Variants in PPFIA2 observed in about 807,000 individuals in gnomAD.
PPFIA2 encodes liprin-alpha-2.
Under a neutral mutation model 175.5 loss-of-function variants are expected in PPFIA2, and 46 were observed. The observed-to-expected ratio is 0.26, with a 90% CI of 0.21 to 0.34. PPFIA2 has a LOEUF of 0.34. Among genes scored for constraint, PPFIA2 ranks in the 10% least tolerant of loss-of-function variants. The probability of loss-of-function intolerance (pLI) is 1.00; values close to 1 mark genes in which losing one functional copy is unlikely to be tolerated. For synonymous variants in PPFIA2, 568 were observed against 511.4 expected (o/e 1.11, Z -1.49); for missense variants, 1,179 against 1,506.1 (o/e 0.78, Z 3.60).
At chr12:81,271,347 T>C (rs1043961250) in intron 28 of PPFIA2, among the ~76,000 whole-genome samples, 18 of 152,220 alleles carry the variant, frequency 1.2e-4, no homozygotes, top group Non-Finnish European at 5.9e-5. Context: ...CTCTGCTTAC[T>C]GCAACCTCTG....
intron 4 of PPFIA2, among the ~76,000 whole-genome samples, chr12:81,480,417 C>A (rs2058066929): frequency 6.6e-6 from 1 of 152,112 alleles, no homozygotes; most frequent in South Asian, 2.1e-4. Context: ...TCTGTCAATT[C>A]ATCAAACTCA....
chr12:81,612,848 T>TAC (rs1275877969), intron 4 of PPFIA2, among the ~76,000 whole-genome samples: 1 of 152,276 alleles, frequency 6.6e-6, no homozygotes, highest in East Asian at 1.9e-4. Context: ...TGCACAAACA[T>TAC]ACACACACAC....
In PPFIA2 at chr12:81,473,108, A is replaced by C. The variant is rs543798308; in HGVS notation, c.304-15242T>G. 1.4e-4 allele frequency among the ~76,000 whole-genome samples: 21 copies of C among 152,290 alleles called. No homozygotes were observed. The Middle Eastern group carries it at 0.01, about 74-fold the overall frequency. Reference sequence around the variant, plus strand: ...TGAATTGCTACAGAAACATATATGTACATAAAACTGCATGTAGGGCCGGGT... The same window carrying C: ...TGAATTGCTACAGAAACATATATGTCCATAAAACTGCATGTAGGGCCGGGT... On this transcript the variant is annotated intron_variant, in intron 4 of 32. Transcript: ENST00000549396.
chr12:81,359,864 A>G (rs1005678901), intron 15 of PPFIA2, among the ~76,000 whole-genome samples: 8 of 151,908 alleles, frequency 5.3e-5, no homozygotes, highest in African/African-American at 1.4e-4. Flanking sequence ...AAATTATTCA[A>G]TGTCCTTAAA....
chr12:81,479,756 C>A (rs1481221930), intron 4 of PPFIA2, among the ~76,000 whole-genome samples: 2 of 151,430 alleles, frequency 1.3e-5, no homozygotes, highest in Admixed American at 1.3e-4. Flanking sequence ...TTGGCCTCCA[C>A]TCTTCTGCAG....
chr12:81,441,721 C>T (rs768658130), intron 6 of PPFIA2, among the ~76,000 whole-genome samples: 1 of 151,838 alleles, frequency 6.6e-6, no homozygotes, highest in Non-Finnish European at 1.5e-5. Context: ...TATCAAAAAA[C>T]GTTTCAACAG....
intron 8 of PPFIA2, among the ~76,000 whole-genome samples, chr12:81,388,844 C>T (rs1057287290): frequency 6.6e-6 from 1 of 151,770 alleles, no homozygotes; most frequent in Non-Finnish European, 1.5e-5. Flanking sequence ...AGTTAATTTA[C>T]GCTTTACCAC....
At chr12:81,388,855 A>T (rs2039525558) in intron 8 of PPFIA2, among the ~76,000 whole-genome samples, 1 of 151,850 alleles carries the variant, frequency 6.6e-6, no homozygotes, top group Non-Finnish European at 1.5e-5. Context: ...GCTTTACCAC[A>T]TTGCCTCTAA....
At chr12:81,533,821 G>GAT (rs1251528542) in intron 4 of PPFIA2, among the ~76,000 whole-genome samples, 5 of 149,596 alleles carry the variant, frequency 3.3e-5, no homozygotes, top group East Asian at 2.0e-4. Flanking sequence ...GAATTATCAG[G>GAT]ATATATATAT....
At chr12:81,302,938 A>G (rs1203304333) in intron 22 of PPFIA2, among the ~76,000 whole-genome samples, 3 of 152,170 alleles carry the variant, frequency 2.0e-5, no homozygotes, top group Non-Finnish European at 2.9e-5. Flanking sequence ...ATAGATTATT[A>G]AGGGTAGCAC....
At chr12:81,731,665 G>A (rs892325821) in intron 3 of PPFIA2, among the ~76,000 whole-genome samples, 2 of 151,604 alleles carry the variant, frequency 1.3e-5, no homozygotes, top group South Asian at 2.1e-4. Flanking sequence ...GCTGGTTAAT[G>A]TGAGGGTTCA....
At chr12:81,670,642 T>C (rs1450755341) in intron 4 of PPFIA2, among the ~76,000 whole-genome samples, 1 of 151,962 alleles carries the variant, frequency 6.6e-6, no homozygotes, top group Non-Finnish European at 1.5e-5. Flanking sequence ...AGTCACTGAA[T>C]ACAGTTGTTA....
At position 81,736,581 on chromosome 12, in the gene PPFIA2, G is replaced by C. The variant is rs192791931; in HGVS notation, c.249+17392C>G. ...TGCATTTGAAGGAGGAAACGCCGGAGGAAGTAAGAGTTTTTCAACACCGTT... is the reference window on the plus strand; with the variant it reads ...TGCATTTGAAGGAGGAAACGCCGGACGAAGTAAGAGTTTTTCAACACCGTT... On this transcript the variant is annotated intron_variant, in intron 3 of 32. Coordinates refer to ENST00000549396, the MANE Select transcript of PPFIA2 (RefSeq NM_003625.5). 3.6e-3 allele frequency among the ~76,000 whole-genome samples: 545 copies of C among 151,970 alleles called. 2 individuals are homozygous for C. Among genetic ancestry groups the C allele is most frequent in the African/African-American group, 0.012 (487 of 41,468 alleles).
At chr12:81,415,794 T>C (rs1258653802) in intron 7 of PPFIA2, among the ~76,000 whole-genome samples, 1 of 151,336 alleles carries the variant, frequency 6.6e-6, no homozygotes, top group Non-Finnish European at 1.5e-5. Flanking sequence ...AGAATTATAA[T>C]ATTCAACAAT....
chr12:81,405,597 A>T (rs759365273), intron 8 of PPFIA2, among the ~76,000 whole-genome samples, 190 bp downstream of exon 8: 1 of 152,132 alleles, frequency 6.6e-6, no homozygotes, highest in Non-Finnish European at 1.5e-5. Context: ...CAACATATAC[A>T]CATATGTATT....
At chr12:81,524,579 A>G (rs1371863062) in intron 4 of PPFIA2, among the ~76,000 whole-genome samples, 1 of 152,138 alleles carries the variant, frequency 6.6e-6, no homozygotes, top group Non-Finnish European at 1.5e-5. Flanking sequence ...CTGGTTCACA[A>G]CTGGACAAAA....
At chr12:81,727,475 T>C (rs865988818) in intron 3 of PPFIA2, among the ~76,000 whole-genome samples, 1 of 151,290 alleles carries the variant, frequency 6.6e-6, no homozygotes, top group South Asian at 2.1e-4. Context: ...AGTTCAAGTA[T>C]TTCTCCTTGT....
intron 4 of PPFIA2, among the ~76,000 whole-genome samples, chr12:81,499,400 G>C (rs1444467092): frequency 6.6e-6 from 1 of 150,554 alleles, no homozygotes; most frequent in East Asian, 2.0e-4. Flanking sequence ...TCTGAGCAGG[G>C]GGCCATGGTT....
intron 2 of PPFIA2, among the ~76,000 whole-genome samples, chr12:81,757,838 A>G (rs2084923905): frequency 6.6e-6 from 1 of 152,188 alleles, no homozygotes; most frequent in South Asian, 2.1e-4. Context: ...ATTCGGCCCT[A>G]CTAGAGGTAA....
Sources: allele counts gnomAD v4.1 joint callset (sites outside exome capture counted in the v4.1 genomes callset), GRCh38; gene constraint gnomAD v4.1.1; transcripts MANE v1.5; gene names NCBI Gene and HGNC (gene_info 2026-07-23, HGNC 2026-07-21).